The following FLT3 variants were observed in gnomAD, a reference collection of about 807,000 sequenced individuals.
FLT3 encodes receptor-type tyrosine-protein kinase FLT3.
FLT3 carries 46 observed loss-of-function variants against 126.6 expected under a neutral mutation model. That is an observed-to-expected ratio of 0.36 (90% CI 0.29 to 0.46). The LOEUF (loss-of-function observed/expected upper bound fraction) is 0.46. Ranked by LOEUF, FLT3 falls within the 20% of genes least tolerant of loss-of-function variation. The probability of loss-of-function intolerance (pLI) is 1.00; values close to 1 mark genes in which losing one functional copy is unlikely to be tolerated. For missense variants in FLT3, 1,069 were observed against 1,190.3 expected, an observed-to-expected ratio of 0.90 and a Z score of 1.50; for synonymous variants, 404 against 434.4, an observed-to-expected ratio of 0.93 and a Z score of 0.87.
chr13:28,058,561 C>T (rs1182856813), intron 3 of FLT3, among the ~76,000 whole-genome samples: 1 of 152,036 alleles, frequency 6.6e-6, no homozygotes, highest in Non-Finnish European at 1.5e-5. Context: ...ACTTTCTGAC[C>T]TTTAGACCCT....
At chr13:28,057,866 C>A (rs1465249118) in intron 3 of FLT3, among the ~76,000 whole-genome samples, 1 of 151,920 alleles carries the variant, frequency 6.6e-6, no homozygotes, top group African/African-American at 2.4e-5. Flanking sequence ...ATGGTGAAAC[C>A]CTGTCTCTAT....
intron 3 of FLT3, 84 bp downstream of exon 3, chr13:28,061,783 G>T: frequency 1.9e-6 from 2 of 1,065,886 alleles, no homozygotes; most frequent in Non-Finnish European, 1.4e-6. Context: ...AAAAAAAAAA[G>T]GTTTACAATA....
At chr13:28,037,802 A>C (rs1383636558) in intron 9 of FLT3, among the ~76,000 whole-genome samples, 7 of 152,134 alleles carry the variant, frequency 4.6e-5, no homozygotes, top group Non-Finnish European at 1.0e-4. Flanking sequence ...AGAGAGCTTT[A>C]CCGCTTCCTG....
intron 2 of FLT3, among the ~76,000 whole-genome samples, chr13:28,067,133 C>T (rs1044585130): frequency 2.0e-5 from 3 of 152,202 alleles, no homozygotes; most frequent in African/African-American, 7.2e-5. Context: ...AGCGATTCTC[C>T]TGCCTCAGCC....
chr13:28,004,076 C>A lies in FLT3; in HGVS notation c.2958G>T (p.Pro986=), dbSNP rs56027115. The change falls in exon 24 of 24, where the codon CCG becomes CCT. Residue 986 remains proline, a synonymous_variant. Transcript: ENST00000241453. ...TCTACGAATCTTCGACCTGAGCCTG[C>A]GGAGAGAGTAGCCCCAAATCCATCT... is the stretch of plus-strand genomic sequence containing the variant. The part of the protein sequence containing the change: ...SREMDLGLLS[P]QAQVEDS The A allele has an allele frequency of 3.1e-6, 5 of 1,613,894 alleles. No homozygotes were observed. The South Asian group carries it at 3.3e-5, about 11-fold the overall frequency.
At chr13:28,090,203 A>G (rs1001209292) in intron 1 of FLT3, among the ~76,000 whole-genome samples, 4 of 150,074 alleles carry the variant, frequency 2.7e-5, no homozygotes, top group East Asian at 2.0e-4. Context: ...ACCATGCCCA[A>G]TTTTTTGTAT....
rs370380253 is a variant in FLT3, at chr13:28,034,222, G to C, written c.1705-8C>G. 36 of 1,613,928 alleles carry C rather than the reference G, an allele frequency of 2.2e-5. No individual in the cohort carries two copies. The African/African-American group carries it at 4.3e-4, about 19-fold the overall frequency. ...GCTTTCATACCTAAATTGCTTCAGAGATGAAATGATGAGTCAGTTAGGAAT... is the reference window on the plus strand; with the variant it reads ...GCTTTCATACCTAAATTGCTTCAGACATGAAATGATGAGTCAGTTAGGAAT... On this transcript the variant is annotated splice_region_variant and splice_polypyrimidine_tract_variant and intron_variant, in intron 13 of 23. Transcript: ENST00000241453.
intron 4 of FLT3, among the ~76,000 whole-genome samples, chr13:28,054,869 T>G (rs1875868819): frequency 6.6e-6 from 1 of 152,224 alleles, no homozygotes; most frequent in Non-Finnish European, 1.5e-5. Context: ...TCTTGACCAT[T>G]TAGGTTTCAT....
intron 18 of FLT3, among the ~76,000 whole-genome samples, chr13:28,024,114 C>A (rs1301878455): frequency 6.7e-6 from 1 of 148,922 alleles, no homozygotes; most frequent in Non-Finnish European, 1.5e-5. Flanking sequence ...TCCATTTACT[C>A]CTTCCTTTTT....
Position 28,047,459 on chromosome 13 carries a change from C to T in FLT3, c.1205+816G>A, listed in dbSNP as rs149191660. On this transcript the variant is annotated intron_variant, in intron 9 of 23. Coordinates refer to ENST00000241453, the MANE Select transcript of FLT3 (RefSeq NM_004119.3). ...GTGCAGTGGCTCACGCCTGTAATCC[C>T]AGCACTTTGGGAGGCCCAGGTAGGG... Among the ~76,000 whole-genome samples, 100 of 152,226 alleles carry T rather than the reference C, an allele frequency of 6.6e-4. 1 individual carries two copies. The East Asian group carries it at 0.016, about 25-fold the overall frequency.
intron 20 of FLT3, among the ~76,000 whole-genome samples, chr13:28,018,091 T>C (rs1872048975): frequency 6.6e-6 from 1 of 152,362 alleles, no homozygotes; most frequent in Admixed American, 6.5e-5. Flanking sequence ...AAGTGCTTTA[T>C]TGTGACTATT....
intron 1 of FLT3, among the ~76,000 whole-genome samples, chr13:28,095,513 A>C (rs1879396376): frequency 6.6e-6 from 1 of 152,082 alleles, no homozygotes; most frequent in Non-Finnish European, 1.5e-5. Flanking sequence ...TGACCTCGTG[A>C]TCTGCCCACC....
intron 17 of FLT3, chr13:28,025,232 G>A: frequency 2.3e-6 from 1 of 439,330 alleles, no homozygotes; most frequent in South Asian, 2.4e-5. Flanking sequence ...TTTTATAAAA[G>A]AGAAATTAGG....
chr13:28,069,270 T>C (rs1345029763), intron 2 of FLT3, among the ~76,000 whole-genome samples: 1 of 152,116 alleles, frequency 6.6e-6, no homozygotes, highest in Non-Finnish European at 1.5e-5. Flanking sequence ...GACTAGAGAA[T>C]ATGAGATGAT....
At chr13:28,016,363 C>T (rs1396986280) in intron 20 of FLT3, among the ~76,000 whole-genome samples, 2 of 152,050 alleles carry the variant, frequency 1.3e-5, no homozygotes, top group African/African-American at 4.8e-5. Flanking sequence ...CTCAGACTCC[C>T]TGGTTTAAGT....
chr13:28,070,729 T>C (rs1877432396), intron 1 of FLT3, 117 bp from the exon 2 acceptor site: 3 of 730,660 alleles, frequency 4.1e-6, no homozygotes, highest in Admixed American at 2.8e-5. Context: ...TTGGCCACTA[T>C]GAAAGTATGT....
At chr13:28,023,994 C>T (rs916709787) in intron 18 of FLT3, among the ~76,000 whole-genome samples, 5 of 152,112 alleles carry the variant, frequency 3.3e-5, no homozygotes, top group African/African-American at 1.2e-4. Flanking sequence ...ATCTCCTGAC[C>T]TCGTGATCCA....
intron 1 of FLT3, among the ~76,000 whole-genome samples, chr13:28,090,727 A>G (rs2137825718): frequency 6.6e-6 from 1 of 152,270 alleles, no homozygotes; most frequent in South Asian, 2.1e-4. Context: ...GCAGTGAGCC[A>G]AGATCATGCC....
chr13:28,028,983 T>C (rs1873071600), intron 15 of FLT3, among the ~76,000 whole-genome samples: 1 of 152,048 alleles, frequency 6.6e-6, no homozygotes, highest in African/African-American at 2.4e-5. Context: ...GGTCTCACCA[T>C]GTTGCCCAGG....
Sources: allele counts gnomAD v4.1 joint callset (sites outside exome capture counted in the v4.1 genomes callset), GRCh38; gene constraint gnomAD v4.1.1; transcripts MANE v1.5; gene names NCBI Gene and HGNC (gene_info 2026-07-23, HGNC 2026-07-21).